Variants in ATP1B3 observed in about 807,000 individuals in gnomAD.
ATP1B3 encodes sodium/potassium-transporting ATPase subunit beta-3.
Under a neutral mutation model 30.2 loss-of-function variants are expected in ATP1B3, and 10 were observed. The observed-to-expected ratio is 0.33, with a 90% confidence interval of 0.20 to 0.56. ATP1B3 has a LOEUF of 0.56. ATP1B3 is among the 20% of genes least tolerant of loss of function. The pLI is 0.90. For missense variants in ATP1B3, 238 were observed against 336.7 expected (o/e 0.71, Z 2.29); for synonymous variants, 113 against 117.0 (o/e 0.97, Z 0.22).
At chr3:141,909,455 G>A (rs1934318608) in intron 3 of ATP1B3, among the ~76,000 whole-genome samples, 2 of 152,236 alleles carry the variant, frequency 1.3e-5, no homozygotes, top group African/African-American at 4.8e-5. Flanking sequence ...GATAGGGTAA[G>A]TTGGGAAGGA....
At chr3:141,885,520 C>T (rs1933811921) in intron 1 of ATP1B3, among the ~76,000 whole-genome samples, 1 of 152,160 alleles carries the variant, frequency 6.6e-6, no homozygotes, top group South Asian at 2.1e-4. Context: ...ACAATCTTGG[C>T]TCACTGCAAC....
At chr3:141,909,085 C>G (rs1035945138) in intron 3 of ATP1B3, among the ~76,000 whole-genome samples, 1 of 152,186 alleles carries the variant, frequency 6.6e-6, no homozygotes, top group East Asian at 1.9e-4. Context: ...AAATCTTCAA[C>G]TCTCTCCTAT....
At chr3:141,885,138 G>T (rs183677089) in intron 1 of ATP1B3, among the ~76,000 whole-genome samples, 2 of 152,104 alleles carry the variant, frequency 1.3e-5, no homozygotes, top group Non-Finnish European at 2.9e-5. Flanking sequence ...CTATCCTGTC[G>T]TCTAGGCTCC....
intron 5 of ATP1B3, chr3:141,918,825 AC>A (rs1371140139): frequency 6.6e-6 from 1 of 152,026 alleles, no homozygotes; most frequent in African/African-American, 2.4e-5. Context: ...TTAATGAAAA[AC>A]CCAGATTTAA....
chr3:141,881,195 C>G (rs1460155176), intron 1 of ATP1B3, among the ~76,000 whole-genome samples: 1 of 142,238 alleles, frequency 7.0e-6, no homozygotes, highest in Non-Finnish European at 1.5e-5. Flanking sequence ...AAGCTCAGGA[C>G]TCCACCTCCA....
intron 6 of ATP1B3, among the ~76,000 whole-genome samples, chr3:141,922,366 A>G (rs1934577891): frequency 6.6e-6 from 1 of 152,154 alleles, no homozygotes; most frequent in Non-Finnish European, 1.5e-5. Flanking sequence ...TAAAAAGAAA[A>G]TCAAGGCCGG....
intron 1 of ATP1B3, among the ~76,000 whole-genome samples, chr3:141,889,756 T>TATATACACACACAC: frequency 2.4e-5 from 2 of 84,030 alleles, no homozygotes; most frequent in East Asian, 7.8e-4. Context: ...AAAAAATATA[T>TATATACACACACAC]ACACACACAC....
At chr3:141,907,020 A>G (rs1474339563) in intron 2 of ATP1B3, 147 bp from the exon 3 acceptor site, 10 of 482,854 alleles carry the variant, frequency 2.1e-5, no homozygotes, top group South Asian at 1.9e-4. Context: ...CTATGCCTTC[A>G]TAATTAGAAT....
chr3:141,913,761 A>G lies in ATP1B3; in HGVS notation c.456A>G (p.Gln152=). The G allele has an allele frequency of 6.2e-7, 1 of 1,614,054 alleles. No homozygotes were observed. The highest frequency in any genetic ancestry group is 8.5e-7 in the Non-Finnish European group (1 of 1,179,978). Residue 152 remains glutamine, a synonymous_variant, in exon 4 of 7, where the codon CAA becomes CAG. Transcript: ENST00000286371. The part of the protein sequence containing the change: ...VACQFPISLL[Q]ACSGMNDPDF... ...GTCAGTTTCCTATTTCATTACTTCA[A>G]GCATGCAGTGGTATGAATGATCCTG...
intron 2 of ATP1B3, among the ~76,000 whole-genome samples, chr3:141,905,017 G>T (rs552170030): frequency 6.6e-6 from 1 of 152,242 alleles, no homozygotes; most frequent in South Asian, 2.1e-4. Context: ...GGCCTAAACA[G>T]TCTTTGAATG....
At chr3:141,907,419 G>A (rs1006262533) in intron 3 of ATP1B3, 145 bp downstream of exon 3, 4 of 519,682 alleles carry the variant, frequency 7.7e-6, no homozygotes, top group Admixed American at 3.8e-5. Context: ...TAGGAGCCAG[G>A]TCTTGGACCT....
intron 5 of ATP1B3, among the ~76,000 whole-genome samples, 186 bp downstream of exon 5, chr3:141,916,206 C>T (rs529213100): frequency 1.3e-5 from 2 of 152,284 alleles, no homozygotes; most frequent in Admixed American, 1.3e-4. Flanking sequence ...AAGACATTTT[C>T]CATGTGTATT....
intron 1 of ATP1B3, among the ~76,000 whole-genome samples, chr3:141,890,095 T>C (rs1279408605): frequency 9.7e-4 from 135 of 138,858 alleles, no homozygotes; most frequent in African/African-American, 3.2e-3. Flanking sequence ...TCTTTTTTTT[T>C]TTTTTTTTTT....
intron 1 of ATP1B3, 55 bp downstream of exon 1, chr3:141,876,965 G>T: frequency 1.4e-6 from 2 of 1,413,402 alleles, no homozygotes; most frequent in South Asian, 1.3e-5. Context: ...GGGGCGCCGG[G>T]CGCGGTCTGG....
intron 5 of ATP1B3, among the ~76,000 whole-genome samples, chr3:141,920,815 C>T (rs1934551992): frequency 6.6e-6 from 1 of 152,130 alleles, no homozygotes; most frequent in Non-Finnish European, 1.5e-5. Context: ...GCGATTTCTC[C>T]TAGCGTTGTT....
At chr3:141,916,613 A>AT in intron 5 of ATP1B3, 8 of 1,200,942 alleles carry the variant, frequency 6.7e-6, no homozygotes, top group Non-Finnish European at 7.7e-6. Context: ...TAAATTTATC[A>AT]TTGTGCTAAA....
At chr3:141,901,070 A>T (rs111243185) in intron 1 of ATP1B3, among the ~76,000 whole-genome samples, 1 of 152,234 alleles carries the variant, frequency 6.6e-6, no homozygotes, top group African/African-American at 2.4e-5. Context: ...GGCGTGAGCC[A>T]CTGCACCTGG....
At chr3:141,902,056 T>C (rs753943533) in intron 1 of ATP1B3, 20 of 1,078,880 alleles carry the variant, frequency 1.9e-5, no homozygotes, top group Non-Finnish European at 2.1e-5. Flanking sequence ...AACTGGCCTG[T>C]GGGCTTTCTG....
chr3:141,884,861 G>A (rs1007638246), intron 1 of ATP1B3, among the ~76,000 whole-genome samples: 2 of 152,128 alleles, frequency 1.3e-5, no homozygotes, highest in African/African-American at 4.8e-5. Flanking sequence ...CTTTGGCCTT[G>A]TTTTCTCTTC....
Sources: gnomAD v4.1 joint callset for allele counts (sites outside exome capture counted in the v4.1 genomes callset) on GRCh38, gnomAD v4.1.1 for gene constraint, MANE v1.5 for transcripts, NCBI Gene and HGNC (gene_info 2026-07-23, HGNC 2026-07-21) for gene names.